DPP6: variants seen among roughly 807,000 people sequenced by gnomAD.
The protein encoded by DPP6 is dipeptidyl peptidase like 6, also known as A-type potassium channel modulatory protein DPP6.
A neutral mutation model predicts 122.6 loss-of-function variants in DPP6; 69 were observed. The ratio of observed to expected loss-of-function variants is 0.56; its 90% CI spans 0.46 to 0.69. The LOEUF (loss-of-function observed/expected upper bound fraction) is 0.69, where lower values mean the gene tolerates loss of function less well. Ranked by LOEUF, DPP6 falls within the 30% of genes least tolerant of loss-of-function variation. The pLI is 0.00. For missense variants in DPP6, 928 were observed against 1,116.9 expected (o/e 0.83, Z 2.41); for synonymous variants, 418 against 433.1 (o/e 0.97, Z 0.43).
At chr7:153,814,220 A>C in the DPP6 span, among the ~76,000 whole-genome samples, 4 of 126,406 alleles carry the variant, frequency 3.2e-5, no homozygotes, top group Non-Finnish European at 7.4e-5. Context: ...AAGACTAATA[A>C]AGAAGAAAAG....
rs145175562 is a variant in DPP6, at chr7:154,204,643, G to A, written c.243+151580G>A. 3.7e-3 allele frequency among the ~76,000 whole-genome samples: 567 copies of A among 152,224 alleles called. 6 individuals carry two copies. The highest frequency in any genetic ancestry group is 5.3e-3 in the Non-Finnish European group (358 of 68,020). ...GTAGGTGAAATGTCTCATGGCTGCCGACACCCTTGCGGCAGGTCCTGGGCG... is the reference window on the plus strand; with the variant it reads ...GTAGGTGAAATGTCTCATGGCTGCCAACACCCTTGCGGCAGGTCCTGGGCG... On this transcript the variant is annotated intron_variant, in intron 1 of 25. Transcript: ENST00000377770.
intron 7 of DPP6, among the ~76,000 whole-genome samples, chr7:154,696,006 G>A (rs1840194805): frequency 6.6e-6 from 1 of 152,214 alleles, no homozygotes; most frequent in Non-Finnish European, 1.5e-5. Flanking sequence ...CCTCTCAGAG[G>A]AGGCAGGCCC....
intron 1 of DPP6, among the ~76,000 whole-genome samples, chr7:154,079,416 T>C (rs1803824012): frequency 6.6e-6 from 1 of 152,146 alleles, no homozygotes; most frequent in African/African-American, 2.4e-5. Context: ...AGTTAAGTAC[T>C]GCGTACTGCG....
the DPP6 span, among the ~76,000 whole-genome samples, chr7:153,786,037 G>C: frequency 7.2e-5 from 11 of 151,984 alleles, no homozygotes; most frequent in African/African-American, 2.7e-4. Context: ...TGTTTGCTAA[G>C]ACCGACATAT....
chr7:154,868,580 C>CT (rs1804095615), intron 18 of DPP6, among the ~76,000 whole-genome samples: 1 of 152,218 alleles, frequency 6.6e-6, no homozygotes, highest in Admixed American at 6.5e-5. Context: ...CTGTGCCCTT[C>CT]TTTCCTTGAA....
chr7:154,002,006 C>T (rs541691762), intron 1 of DPP6, among the ~76,000 whole-genome samples: 8 of 152,150 alleles, frequency 5.3e-5, no homozygotes, highest in African/African-American at 9.6e-5. Context: ...TTACCATTTA[C>T]GTATTTGAAC....
At chr7:154,212,514 G>T (rs948297191) in intron 1 of DPP6, among the ~76,000 whole-genome samples, 12 of 152,178 alleles carry the variant, frequency 7.9e-5, no homozygotes, top group Admixed American at 2.6e-4. Flanking sequence ...GGTGATTCCA[G>T]TGCTGGGGGT....
intron 1 of DPP6, among the ~76,000 whole-genome samples, chr7:154,099,383 G>C (rs1805573566): frequency 6.6e-6 from 1 of 151,638 alleles, no homozygotes; most frequent in African/African-American, 2.4e-5. Context: ...CCAATGCATA[G>C]GGAACAAAAG....
chr7:154,662,207 G>A (rs1374949502), intron 6 of DPP6, among the ~76,000 whole-genome samples: 7 of 146,312 alleles, frequency 4.8e-5, no homozygotes, highest in African/African-American at 2.5e-5. Flanking sequence ...CATATTGGCC[G>A]TAGCGTTCAC....
intron 1 of DPP6, chr7:154,058,040 T>A (rs1206114496): frequency 1.4e-5 from 2 of 146,608 alleles, no homozygotes; most frequent in Non-Finnish European, 3.0e-5. Flanking sequence ...CTGAGATCCA[T>A]CCCCTCTTCC....
intron 1 of DPP6, among the ~76,000 whole-genome samples, chr7:154,010,330 C>T (rs1109716): frequency 2.3e-4 from 35 of 152,358 alleles, no homozygotes; most frequent in African/African-American, 7.2e-4. Flanking sequence ...ACACATACAA[C>T]GGAAGCCCAG....
At chr7:154,798,061 T>C (rs1798147069) in intron 12 of DPP6, among the ~76,000 whole-genome samples, 1 of 152,174 alleles carries the variant, frequency 6.6e-6, no homozygotes, top group African/African-American at 2.4e-5. Flanking sequence ...CGTGATTCTT[T>C]GTTGGGGGCA....
At chr7:154,362,051 G>A (rs1811771411) in intron 1 of DPP6, among the ~76,000 whole-genome samples, 1 of 152,234 alleles carries the variant, frequency 6.6e-6, no homozygotes. Context: ...GTGAGAAGGT[G>A]TCCTGTGACC....
At chr7:154,019,622 A>G (rs1451107502) in intron 1 of DPP6, among the ~76,000 whole-genome samples, 1 of 152,202 alleles carries the variant, frequency 6.6e-6, no homozygotes, top group Non-Finnish European at 1.5e-5. Flanking sequence ...CATACAAAGC[A>G]GTTGTATTGC....
chr7:154,123,890 C>T (rs1429870503), intron 1 of DPP6, among the ~76,000 whole-genome samples: 33 of 149,962 alleles, frequency 2.2e-4, no homozygotes, highest in Non-Finnish European at 4.0e-4. Flanking sequence ...ACAGATGTGC[C>T]ACCCGCTCAC....
chr7:154,099,121 C>T (rs1439276934), intron 1 of DPP6, among the ~76,000 whole-genome samples: 1 of 152,086 alleles, frequency 6.6e-6, no homozygotes, highest in African/African-American at 2.4e-5. Context: ...GAGGTTTGCT[C>T]CATGTAAGGA....
intron 1 of DPP6, among the ~76,000 whole-genome samples, chr7:153,988,738 A>T (rs1796973236): frequency 2.6e-5 from 4 of 152,270 alleles, no homozygotes; most frequent in Admixed American, 6.5e-5. Context: ...ATAGGAAATC[A>T]TGGAAATGAG....
the DPP6 span, among the ~76,000 whole-genome samples, chr7:153,800,057 A>C: frequency 6.6e-6 from 1 of 152,226 alleles, no homozygotes; most frequent in South Asian, 2.1e-4. Context: ...ATGATCCTGT[A>C]ATCCCACTGC....
intron 1 of DPP6, among the ~76,000 whole-genome samples, chr7:154,211,222 G>A (rs1381233160): frequency 6.6e-6 from 1 of 152,182 alleles, no homozygotes; most frequent in Non-Finnish European, 1.5e-5. Flanking sequence ...ATCCAGATGT[G>A]GCCAATGTGG....
Sources: gnomAD v4.1 joint callset for allele counts (sites outside exome capture counted in the v4.1 genomes callset) on GRCh38, gnomAD v4.1.1 for gene constraint, MANE v1.5 for transcripts, NCBI Gene and HGNC (gene_info 2026-07-23, HGNC 2026-07-21) for gene names.